The following TENM4 variants were observed in gnomAD, a reference collection of about 807,000 sequenced individuals.
TENM4 encodes teneurin-4.
A neutral mutation model predicts 243.3 loss-of-function variants in TENM4; 82 were observed. The ratio of observed to expected loss-of-function variants is 0.34; its 90% CI spans 0.28 to 0.40. The LOEUF is 0.40. TENM4 is among the 10% of genes least tolerant of loss of function. The pLI is 1.00. For missense variants in TENM4, 3,138 were observed against 3,673.3 expected (o/e 0.85, Z 3.77); for synonymous variants, 1,412 against 1,456.3 (o/e 0.97, Z 0.69).
intron 10 of TENM4, among the ~76,000 whole-genome samples, chr11:78,862,160 C>A (rs1858837591): frequency 6.6e-6 from 1 of 152,124 alleles, no homozygotes; most frequent in Non-Finnish European, 1.5e-5. Flanking sequence ...CCTTCAGGGC[C>A]TTGTAACCTT....
At chr11:79,147,618 G>A (rs1469840716) in intron 4 of TENM4, among the ~76,000 whole-genome samples, 1 of 151,940 alleles carries the variant, frequency 6.6e-6, no homozygotes, top group Non-Finnish European at 1.5e-5. Flanking sequence ...TTCTCCTCTG[G>A]CTAAAGGTAA....
intron 10 of TENM4, among the ~76,000 whole-genome samples, chr11:78,859,610 T>C (rs974862185): frequency 1.3e-5 from 2 of 152,260 alleles, no homozygotes; most frequent in Non-Finnish European, 2.9e-5. Flanking sequence ...GATCTACCTA[T>C]ATAGATTCTA....
chr11:78,834,317 T>C (rs1858051330), intron 12 of TENM4, among the ~76,000 whole-genome samples: 2 of 152,214 alleles, frequency 1.3e-5, no homozygotes, highest in Admixed American at 1.3e-4. Flanking sequence ...TTTTTCTCTT[T>C]GAAGTTCTCT....
At chr11:79,022,133 C>T (rs1009055163) in intron 6 of TENM4, among the ~76,000 whole-genome samples, 8 of 152,206 alleles carry the variant, frequency 5.3e-5, no homozygotes, top group Admixed American at 5.2e-4. Context: ...ACCAAATAAT[C>T]TGATGCTTTA....
intron 2 of TENM4, among the ~76,000 whole-genome samples, chr11:79,263,634 T>A (rs1288701576): frequency 1.3e-5 from 2 of 152,210 alleles, no homozygotes; most frequent in Admixed American, 6.5e-5. Flanking sequence ...TTCACACTTG[T>A]TGCAGGTGGT....
At chr11:79,039,044 G>T (rs10793355) in intron 6 of TENM4, among the ~76,000 whole-genome samples, 91,477 of 151,780 alleles carry the variant, frequency 0.6, 30,852 homozygotes, top group Non-Finnish European at 0.79. Flanking sequence ...GCACTTGGTG[G>T]TGGTAGGGGC....
rs143529323 is a variant in TENM4 at position 78,891,957 on chromosome 11, G to T, written c.750-621C>A. On this transcript the variant is annotated intron_variant, in intron 7 of 33. Transcript: ENST00000278550. Reference sequence around the variant, plus strand: ...TGAGCATTGCTGAGGCCCATCCCTAGGGATTCTGTCAGCAGGTTGGGTGGG... The same window carrying T: ...TGAGCATTGCTGAGGCCCATCCCTATGGATTCTGTCAGCAGGTTGGGTGGG... Among the ~76,000 whole-genome samples, 1,431 of 152,292 alleles carry T rather than the reference G, an allele frequency of 9.4e-3. 11 individuals are homozygous for T. The highest frequency in any genetic ancestry group is 0.018 in the Admixed American group (277 of 15,294).
intron 1 of TENM4, among the ~76,000 whole-genome samples, chr11:79,310,844 T>G (rs949068874): frequency 3.0e-4 from 46 of 152,236 alleles, no homozygotes; most frequent in African/African-American, 1.1e-3. Context: ...GGAAAAGAAA[T>G]AAAATGCAAA....
At chr11:79,309,159 T>C (rs1032941411) in intron 1 of TENM4, among the ~76,000 whole-genome samples, 2 of 152,336 alleles carry the variant, frequency 1.3e-5, no homozygotes, top group South Asian at 4.1e-4. Flanking sequence ...TTCTAAGAGA[T>C]GGTGGAAGTC....
intron 3 of TENM4, among the ~76,000 whole-genome samples, chr11:79,183,084 T>C (rs56209276): frequency 0.027 from 4,145 of 152,270 alleles, 87 homozygotes; most frequent in Non-Finnish European, 0.04. Context: ...TGAAAACTTA[T>C]GTCCAGAAAA....
chr11:78,786,876 CG>C, intron 16 of TENM4, 21 bp downstream of exon 16: 1 of 1,584,132 alleles, frequency 6.3e-7, no homozygotes, highest in Non-Finnish European at 8.6e-7. Context: ...AGAAGGTACC[CG>C]GGGACCTCGG....
At chr11:78,884,264 C>G (rs946669860) in intron 9 of TENM4, among the ~76,000 whole-genome samples, 1 of 152,178 alleles carries the variant, frequency 6.6e-6, no homozygotes, top group Admixed American at 6.5e-5. Context: ...AATTTCAGAA[C>G]CTATGCTCTC....
At chr11:79,146,790 G>C (rs1406890935) in intron 4 of TENM4, among the ~76,000 whole-genome samples, 1 of 152,038 alleles carries the variant, frequency 6.6e-6, no homozygotes, top group African/African-American at 2.4e-5. Context: ...CTCCAGGAAG[G>C]CGAAAACTGT....
chr11:79,081,534 G>GGTGTGTGTGTGTGTGTGTGTGTGT (rs56237099), intron 4 of TENM4, among the ~76,000 whole-genome samples: 3 of 148,288 alleles, frequency 2.0e-5, no homozygotes, highest in Non-Finnish European at 4.5e-5. Flanking sequence ...TGTCAGAGGT[G>GGTGTGTGTGTGTGTGTGTGTGTGT]GTGTGTGTGT....
At chr11:79,071,554 A>C (rs538177170) in intron 4 of TENM4, among the ~76,000 whole-genome samples, 1 of 152,310 alleles carries the variant, frequency 6.6e-6, no homozygotes. Context: ...TATGACTTTA[A>C]AATGTTGATC....
At chr11:78,740,940 T>G (rs1855915827) in intron 19 of TENM4, among the ~76,000 whole-genome samples, 1 of 152,198 alleles carries the variant, frequency 6.6e-6, no homozygotes, top group Admixed American at 6.5e-5. Flanking sequence ...TGGGCTCCCG[T>G]GGATTGCTTT....
intron 1 of TENM4, among the ~76,000 whole-genome samples, chr11:79,368,238 C>G (rs557686357): frequency 1.3e-5 from 2 of 152,040 alleles, no homozygotes; most frequent in African/African-American, 4.8e-5. Context: ...ACAGACCAAG[C>G]CTCCAGGAAT....
At chr11:78,811,857 A>G (rs1018967968) in intron 14 of TENM4, among the ~76,000 whole-genome samples, 1 of 152,252 alleles carries the variant, frequency 6.6e-6, no homozygotes, top group Non-Finnish European at 1.5e-5. Flanking sequence ...GGTTTGAATT[A>G]CATGACTCGA....
At chr11:79,185,154 T>C (rs1488699119) in intron 3 of TENM4, among the ~76,000 whole-genome samples, 1 of 152,066 alleles carries the variant, frequency 6.6e-6, no homozygotes, top group Non-Finnish European at 1.5e-5. Flanking sequence ...AAAAATTAGC[T>C]GGATGTGGTG....
Sources: allele counts gnomAD v4.1 joint callset (sites outside exome capture counted in the v4.1 genomes callset), GRCh38; gene constraint gnomAD v4.1.1; transcripts MANE v1.5; gene names NCBI Gene and HGNC (gene_info 2026-07-23, HGNC 2026-07-21).